The following VPS13C variants were observed in gnomAD, a reference collection of about 807,000 sequenced individuals.
VPS13C encodes vacuolar protein sorting 13 homolog C.
Under a neutral mutation model 456.8 loss-of-function variants are expected in VPS13C, and 358 were observed. The observed-to-expected ratio is 0.78, with a 90% CI of 0.72 to 0.86. The LOEUF (loss-of-function observed/expected upper bound fraction) is 0.86, where lower values mean the gene tolerates loss of function less well. Ranked by LOEUF, VPS13C falls within the 40% of genes least tolerant of loss-of-function variation. The pLI is 0.00. For missense variants in VPS13C, 4,818 were observed against 4,385.4 expected (o/e 1.10, Z -2.79); for synonymous variants, 1,578 against 1,486.7 (o/e 1.06, Z -1.41).
At position 62,037,408 on chromosome 15, in the gene VPS13C, A is replaced by ATATAATATGTTATATATAAATG. The variant is rs1567137357; in HGVS notation, c.188-2357_188-2356insCATTTATATATAACATATTATA. 4.5e-4 allele frequency among the ~76,000 whole-genome samples: 43 copies of ATATAATATGTTATATATAAATG among 95,138 alleles called. 2 individuals carry two copies. The highest frequency in any genetic ancestry group is 1.3e-3 in the Admixed American group (8 of 6,358). 62.4% of individuals were successfully genotyped at this position (95,138 alleles called of 152,430 possible). A position where few individuals can be genotyped will look rare whatever the true frequency, so the allele number is the denominator to read the frequency against. ...TGTATATAATATATTATATATAAATATATATAATATGTTATATATAAATAT... is the reference window on the plus strand; with the variant it reads ...TGTATATAATATATTATATATAAATATATAATATGTTATATATAAATGTATATAATATGTTATATATAAATAT... On this transcript the variant is annotated intron_variant, in intron 3 of 84. Transcript: ENST00000644861.
In VPS13C at chr15:61,913,877, C is replaced by T. The variant is rs893040528; in HGVS notation, c.8446-462G>A. On this transcript the variant is annotated intron_variant, in intron 61 of 84. Transcript: ENST00000644861. ...GACAGCAGGACACAGTTCCTGTCTT[C>T]GATGAGCTTCCAACTAGACAGAGAG... Among the ~76,000 whole-genome samples, 53 of 152,022 alleles carry T rather than the reference C, an allele frequency of 3.5e-4. 1 individual carries two copies. Among genetic ancestry groups the T allele is most frequent in the Admixed American group, 3.4e-3 (52 of 15,252 alleles).
At chr15:62,053,907 C>T (rs2048705480) in intron 1 of VPS13C, among the ~76,000 whole-genome samples, 1 of 152,184 alleles carries the variant, frequency 6.6e-6, no homozygotes, top group African/African-American at 2.4e-5. Flanking sequence ...TTGCACTTGG[C>T]TTCTATTCCT....
intron 49 of VPS13C, among the ~76,000 whole-genome samples, chr15:61,933,489 T>C (rs553761813): frequency 3.7e-4 from 56 of 152,254 alleles, no homozygotes; most frequent in Admixed American, 3.2e-3. Flanking sequence ...GTTGTTAATG[T>C]CCATTTGAGT....
At chr15:61,996,102 T>G (rs2046377258) in intron 16 of VPS13C, among the ~76,000 whole-genome samples, 1 of 152,016 alleles carries the variant, frequency 6.6e-6, no homozygotes, top group African/African-American at 2.4e-5. Flanking sequence ...GAAGGGGATA[T>G]CTCTTAATTC....
At chr15:61,932,446 T>G (rs1435369227) in intron 49 of VPS13C, among the ~76,000 whole-genome samples, 1 of 152,086 alleles carries the variant, frequency 6.6e-6, no homozygotes, top group East Asian at 1.9e-4. Flanking sequence ...ATATTTAAAT[T>G]TTCATGTATA....
chr15:61,893,566 T>A (rs999531303), intron 66 of VPS13C, among the ~76,000 whole-genome samples: 1 of 150,778 alleles, frequency 6.6e-6, no homozygotes, highest in Non-Finnish European at 1.5e-5. Context: ...TAAAACTAAG[T>A]ACACAGACAA....
chr15:61,981,454 C>T lies in VPS13C; in HGVS notation c.2054G>A (p.Arg685Gln), dbSNP rs767543869. Residue 685 changes from arginine to glutamine, a missense_variant, in exon 22 of 85, where the codon CGA (arginine) becomes CAA (glutamine). This residue lies in a region of VPS13C where 4,552 missense variants were observed against 4,130.6 expected (regional missense o/e 1.10). Coordinates refer to ENST00000644861, the MANE Select transcript of VPS13C (RefSeq NM_020821.3). The stretch of plus-strand genomic sequence containing the variant: ...ATTTATCCTTAAATCAAGGACTTTT[C>T]GAGTTTCAATAATATGTGTAAGTCC... ...ATGLTHIIET[R>Q]KVLDLRINLK... The T allele has an allele frequency of 1.9e-6, 3 of 1,608,306 alleles. No homozygotes were observed. The highest frequency in any genetic ancestry group is 1.7e-6 in the Non-Finnish European group (2 of 1,177,816).
At chr15:62,027,074 A>G (rs1407999616) in intron 6 of VPS13C, among the ~76,000 whole-genome samples, 1 of 152,136 alleles carries the variant, frequency 6.6e-6, no homozygotes, top group Non-Finnish European at 1.5e-5. Context: ...AAAAAAAGTA[A>G]TATCAAATGA....
At chr15:61,866,535 G>C (rs931584974) in intron 81 of VPS13C, 11 of 984,938 alleles carry the variant, frequency 1.1e-5, no homozygotes, top group Non-Finnish European at 1.2e-5. Flanking sequence ...ATCTCAGGAA[G>C]GGTAACTATT....
In VPS13C at chr15:61,854,420, T is replaced by C. The variant is rs752524017; in HGVS notation, c.*37A>G. 3.8e-6 allele frequency: 6 copies of C among 1,558,536 alleles called. No individual in the cohort carries two copies. The highest frequency in any genetic ancestry group is 5.3e-6 in the Non-Finnish European group (6 of 1,129,384). On this transcript the variant is annotated 3_prime_UTR_variant, in exon 85 of 85. Coordinates refer to ENST00000644861, the MANE Select transcript of VPS13C (RefSeq NM_020821.3). ...GTGACTTATAGACAAGACCAGTGAT[T>C]GTTTTTTCTCCCTGTTGGAGCCCCT... is the stretch of plus-strand genomic sequence containing the variant.
At chr15:62,013,438 C>G (rs2047116916) in intron 10 of VPS13C, among the ~76,000 whole-genome samples, 1 of 151,726 alleles carries the variant, frequency 6.6e-6, no homozygotes, top group Non-Finnish European at 1.5e-5. Flanking sequence ...GACATGATCC[C>G]TCCAGCAGAT....
At chr15:61,895,579 AAAAACTGG>A (rs1208540502) in intron 66 of VPS13C, among the ~76,000 whole-genome samples, 3 of 152,230 alleles carry the variant, frequency 2.0e-5, no homozygotes, top group Admixed American at 2.0e-4. Flanking sequence ...CTATCTGCCA[AAAAACTGG>A]AAAACACAGA....
rs371841310 is a variant in VPS13C, at chr15:62,045,452, G to A, written c.101-1197C>T. Among the ~76,000 whole-genome samples, 54 of 152,176 alleles carry A rather than the reference G, an allele frequency of 3.5e-4. 2 individuals are homozygous for A. The South Asian group carries it at 0.011, about 32-fold the overall frequency. ...AGGTTTAAGTAGTATTTACTGGGTG[G>A]ATAAGAAAAGAGGGCAAATAGATAA... is the stretch of plus-strand genomic sequence containing the variant. On this transcript the variant is annotated intron_variant, in intron 1 of 84. Coordinates refer to ENST00000644861, the MANE Select transcript of VPS13C (RefSeq NM_020821.3).
At chr15:61,875,117 G>A (rs1895321291) in intron 76 of VPS13C, among the ~76,000 whole-genome samples, 166 bp from the exon 77 acceptor site, 1 of 151,970 alleles carries the variant, frequency 6.6e-6, no homozygotes, top group African/African-American at 2.4e-5. Flanking sequence ...AATATCTATT[G>A]TGTTTGAAGA....
At chr15:61,889,337 A>G (rs1896502739) in intron 67 of VPS13C, among the ~76,000 whole-genome samples, 1 of 152,102 alleles carries the variant, frequency 6.6e-6, no homozygotes, top group Non-Finnish European at 1.5e-5. Flanking sequence ...TATTAACATT[A>G]TATTAATGGT....
chr15:61,972,539 T>C (rs1030485804), intron 27 of VPS13C, 86 bp downstream of exon 27: 17 of 1,440,674 alleles, frequency 1.2e-5, no homozygotes, highest in African/African-American at 2.8e-5. Context: ...ATTTTTAATA[T>C]ACTTGACATT....
chr15:61,989,337 G>T (rs1052701714), intron 18 of VPS13C, among the ~76,000 whole-genome samples: 5 of 151,950 alleles, frequency 3.3e-5, no homozygotes, highest in African/African-American at 1.2e-4. Context: ...GGAGGCAGAG[G>T]ATGCAGTAAG....
intron 3 of VPS13C, among the ~76,000 whole-genome samples, chr15:62,037,445 A>T (rs1388599310): frequency 2.4e-5 from 3 of 127,000 alleles, no homozygotes; most frequent in African/African-American, 6.1e-5. Context: ...ATATATATTA[A>T]ATAAATATAT....
chr15:61,996,946 T>C (rs558318063), intron 16 of VPS13C, among the ~76,000 whole-genome samples: 13 of 150,528 alleles, frequency 8.6e-5, no homozygotes, highest in South Asian at 4.2e-4. Context: ...TGAATACATA[T>C]ATCTTATACA....
Sources: gnomAD v4.1 joint callset for allele counts (sites outside exome capture counted in the v4.1 genomes callset) on GRCh38, gnomAD v4.1.1 for gene constraint, gnomAD v4.1.1 regional missense constraint, MANE v1.5 for transcripts, NCBI Gene and HGNC (gene_info 2026-07-23, HGNC 2026-07-21) for gene names.